The following HERC2 variants were observed in gnomAD, a reference collection of about 807,000 sequenced individuals.
The protein encoded by HERC2 is HECT and RLD domain containing E3 ubiquitin protein ligase 2.
A neutral mutation model predicts 537.7 loss-of-function variants in HERC2; 102 were observed. The observed-to-expected ratio is 0.19, with a 90% CI of 0.16 to 0.22. The LOEUF is 0.22. Ranked by LOEUF, HERC2 falls within the 10% of genes least tolerant of loss-of-function variation. The pLI, the probability that HERC2 is intolerant of heterozygous loss-of-function variation, is 1.00. For missense variants in HERC2, 4,236 were observed against 6,198.2 expected (o/e 0.68, Z 10.63); for synonymous variants, 2,224 against 2,466.2 (o/e 0.90, Z 2.91).
intron 2 of HERC2, among the ~76,000 whole-genome samples, chr15:28,303,918 C>A (rs1379940724): frequency 2.6e-5 from 4 of 152,266 alleles, no homozygotes; most frequent in South Asian, 2.1e-4. Context: ...GTAATCCCAG[C>A]ACTTTGGGAG....
At chr15:28,259,500 C>T (rs560273491) in intron 16 of HERC2, among the ~76,000 whole-genome samples, 80 of 152,218 alleles carry the variant, frequency 5.3e-4, no homozygotes, top group African/African-American at 1.7e-3. Flanking sequence ...TGAAAAAGGA[C>T]GGAACACATG....
At chr15:28,251,140 C>A (rs1418248880) in intron 20 of HERC2, among the ~76,000 whole-genome samples, 2 of 152,114 alleles carry the variant, frequency 1.3e-5, no homozygotes, top group East Asian at 3.9e-4. Context: ...TCAAAATGTT[C>A]TTGGTTGTAT....
In HERC2 at chr15:28,256,074, C is replaced by T; in HGVS notation, c.2746+15G>A. 2 of 1,603,718 alleles carry T rather than the reference C, an allele frequency of 1.2e-6. No individual in the cohort carries two copies. Among genetic ancestry groups the T allele is most frequent in the Non-Finnish European group, 1.7e-6 (2 of 1,178,858 alleles). ...CCCTGACCCATGCCCTCTCCTGTTC[C>T]TTCCCCAGGCCCACCTGCGCAGGGC... On this transcript the variant is annotated intron_variant, in intron 18 of 92. Coordinates refer to ENST00000261609, the MANE Select transcript of HERC2 (RefSeq NM_004667.6).
chr15:28,162,555 C>CT (rs1893711252), intron 69 of HERC2, among the ~76,000 whole-genome samples: 1 of 152,058 alleles, frequency 6.6e-6, no homozygotes, highest in African/African-American at 2.4e-5. Flanking sequence ...ACTTAAAGAA[C>CT]TTTGACAAAT....
At chr15:28,130,451 C>G (rs1936498855) in intron 82 of HERC2, 52 bp downstream of exon 82, 5 of 1,576,714 alleles carry the variant, frequency 3.2e-6, no homozygotes, top group Non-Finnish European at 4.4e-6. Context: ...GGTGCACATA[C>G]CCCAATAAAA....
Position 28,202,501 on chromosome 15 carries a change from G to A in HERC2, c.7326C>T (p.His2442=). The part of the protein sequence containing the change: ...SEATTPVAVQ[H]IRPARVKRRK... The stretch of plus-strand genomic sequence containing the variant: ...GCCTCTTCACTCTGGCAGGGCGGAT[G>A]TGCTGCACGGCGACAGGCGTGGTGG... Residue 2442 remains histidine (H), a synonymous_variant, in exon 46 of 93, where the codon CAC becomes CAT. Coordinates refer to ENST00000261609, the MANE Select transcript of HERC2 (RefSeq NM_004667.6). 7.4e-7 allele frequency: 1 copy of A among 1,351,510 alleles called. No homozygotes were observed. The highest frequency in any genetic ancestry group is 1.0e-6 in the Non-Finnish European group (1 of 969,692). 83.7% of individuals were successfully genotyped at this position (1,351,510 alleles called of 1,614,324 possible). A position where few individuals can be genotyped will look rare whatever the true frequency, so the allele number is the denominator to read the frequency against.
chr15:28,237,427 G>A (rs1902578116), intron 25 of HERC2, among the ~76,000 whole-genome samples: 2 of 152,204 alleles, frequency 1.3e-5, no homozygotes, highest in Non-Finnish European at 1.5e-5. Context: ...CCATGCTTCA[G>A]AAAGTATAAT....
In HERC2 at chr15:28,211,598, G is replaced by C. The variant is rs539984218; in HGVS notation, c.6926-453C>G. On this transcript the variant is annotated intron_variant, in intron 43 of 92. Transcript: ENST00000261609. ...GCAGAGGCCGCAGAAGCAGCACAGA[G>C]AGCATGGGGTGGGAAGGAAGGAGGG... is the stretch of plus-strand genomic sequence containing the variant. Among the ~76,000 whole-genome samples, 934 of 152,212 alleles carry C rather than the reference G, an allele frequency of 6.1e-3. 4 individuals carry two copies. Among genetic ancestry groups the C allele is most frequent in the Non-Finnish European group, 9.8e-3 (669 of 68,028 alleles).
Position 28,272,618 on chromosome 15 carries a change from T to C in HERC2, c.912-232A>G, listed in dbSNP as rs191440168. 7.5e-3 allele frequency among the ~76,000 whole-genome samples: 1,138 copies of C among 151,860 alleles called. 12 individuals carry two copies. The highest frequency in any genetic ancestry group is 0.011 in the Non-Finnish European group (735 of 67,958). ...AGTTAAGAAGCTCAAAGAGCACATT[T>C]ACATGAAAGTTCTAGGATCTTAAAT... On this transcript the variant is annotated intron_variant, in intron 8 of 92. Coordinates refer to ENST00000261609, the MANE Select transcript of HERC2 (RefSeq NM_004667.6).
intron 50 of HERC2, among the ~76,000 whole-genome samples, chr15:28,197,238 CAAAT>C (rs1226670260): frequency 2.0e-5 from 3 of 152,164 alleles, no homozygotes; most frequent in African/African-American, 2.4e-5. Context: ...TTCAAACAAA[CAAAT>C]AATCTCTTTA....
chr15:28,268,034 TC>T lies in HERC2; in HGVS notation c.1598+430del, dbSNP rs1481211418. Among the ~76,000 whole-genome samples, 1 of 152,238 alleles carries T rather than the reference TC, an allele frequency of 6.6e-6. No individual in the cohort carries two copies. Among genetic ancestry groups the T allele is most frequent in the Non-Finnish European group, 1.5e-5 (1 of 68,040 alleles). On this transcript the variant is annotated intron_variant, in intron 12 of 92. Transcript: ENST00000261609. This position sits in a 1 kb window ranked among gnomAD's most constrained non-coding sequence, Gnocchi z 4.7. ...CATTTGTTCTTTCACAATAAAAGGT[TC>T]CACTGAGTAGGATAATATTAGGAAG...
rs188787231 is a variant in HERC2 at position 28,111,846 on chromosome 15, C to T, written c.14422G>A (p.Asp4808Asn). ...TTATCTGAATCGTCGCTGCTGTCGT[C>T]GGCGGCTGGCTCTCCTGTAAGTGCG... Reference protein sequence around the residue: ...RIALTGEPAADDSSDDSDNED... With the variant: ...RIALTGEPAANDSSDDSDNED... Residue 4808 changes from aspartate (D) to asparagine (N), a missense_variant, in exon 93 of 93, where the codon GAC (aspartate) becomes AAC (asparagine). Asp to Asn is a conservative substitution (Grantham distance 23, BLOSUM62 1). Coordinates refer to ENST00000261609, the MANE Select transcript of HERC2 (RefSeq NM_004667.6). 32 of 1,614,194 alleles carry T rather than the reference C, an allele frequency of 2.0e-5. No individual in the cohort carries two copies. The Admixed American group carries it at 2.7e-4, about 13-fold the overall frequency.
chr15:28,254,222 G>A, intron 20 of HERC2, 118 bp downstream of exon 20: 1 of 652,014 alleles, frequency 1.5e-6, no homozygotes, highest in East Asian at 3.1e-5. Flanking sequence ...GGCGGAGCTT[G>A]CAGTGAGCCA....
intron 71 of HERC2, among the ~76,000 whole-genome samples, chr15:28,145,314 A>G (rs528568240): frequency 1.1e-4 from 17 of 152,322 alleles, no homozygotes; most frequent in South Asian, 2.1e-4. Flanking sequence ...TGTGGACAGG[A>G]GCGGTGGTGT....
At position 28,142,159 on chromosome 15, in the gene HERC2, G is replaced by C; in HGVS notation, c.11700+79C>G. The C allele has an allele frequency of 2.0e-6, 3 of 1,495,072 alleles. No individual in the cohort carries two copies. In the African/African-American group the frequency reaches 4.2e-5, roughly 21 times the overall value. 92.6% of individuals were successfully genotyped at this position (1,495,072 alleles called of 1,614,324 possible). A position where few individuals can be genotyped will look rare whatever the true frequency, so the allele number is the denominator to read the frequency against. Reference sequence around the variant, plus strand: ...GGCAAGCGAAATTTTTCTGTGTCTCGTAATATTGGCATCTTGTTACACTAT... The same window carrying C: ...GGCAAGCGAAATTTTTCTGTGTCTCCTAATATTGGCATCTTGTTACACTAT... On this transcript the variant is annotated intron_variant, in intron 76 of 92. Coordinates refer to ENST00000261609, the MANE Select transcript of HERC2 (RefSeq NM_004667.6).
intron 4 of HERC2, among the ~76,000 whole-genome samples, chr15:28,285,201 T>C (rs1257346128): frequency 6.6e-6 from 1 of 152,100 alleles, no homozygotes; most frequent in Non-Finnish European, 1.5e-5. Flanking sequence ...CTGGATCCAA[T>C]CAAAATTTAC....
At chr15:28,196,162 T>C in intron 52 of HERC2, 53 bp downstream of exon 52, 1 of 1,339,276 alleles carries the variant, frequency 7.5e-7, no homozygotes. Flanking sequence ...TGGTCCACAA[T>C]AAGTATTTCA....
At chr15:28,154,527 G>A (rs1345229556) in intron 69 of HERC2, among the ~76,000 whole-genome samples, 3 of 152,134 alleles carry the variant, frequency 2.0e-5, no homozygotes, top group Non-Finnish European at 4.4e-5. Context: ...TCGATCAGGG[G>A]CTCTGGCCTT....
At position 28,122,116 on chromosome 15, in the gene HERC2, GGA is replaced by G. The variant is rs1416834597; in HGVS notation, c.13189-689_13189-688del. ...GGACAGAAAAGACAGACCGGGGAGG[GGA>G]AACAAGGTCCTGGCTGGGATCACAC... is the stretch of plus-strand genomic sequence containing the variant. On this transcript the variant is annotated intron_variant, in intron 85 of 92. Transcript: ENST00000261609. This position sits in a 1 kb window ranked among gnomAD's most constrained non-coding sequence, Gnocchi z 4.1. Among the ~76,000 whole-genome samples the G allele has an allele frequency of 0.051, 8 of 156 alleles. No homozygotes were observed. Among genetic ancestry groups the G allele is most frequent in the Non-Finnish European group, 0.033 (1 of 30 alleles). 0.1% of individuals were successfully genotyped at this position (156 alleles called of 152,430 possible).
Sources: gnomAD v4.1 joint callset for allele counts (sites outside exome capture counted in the v4.1 genomes callset) on GRCh38, gnomAD v4.1.1 for gene constraint, Gnocchi (gnomAD v3.1) non-coding constraint, MANE v1.5 for transcripts, NCBI Gene and HGNC (gene_info 2026-07-23, HGNC 2026-07-21) for gene names.